Variants in CCDC85C observed in about 807,000 individuals in gnomAD.
CCDC85C encodes coiled-coil domain-containing protein 85C.
CCDC85C carries 18 observed loss-of-function variants against 38.3 expected under a neutral mutation model. The observed-to-expected ratio is 0.47, with a 90% confidence interval of 0.33 to 0.70. CCDC85C has a LOEUF of 0.70. Ranked by LOEUF, CCDC85C falls within the 30% of genes least tolerant of loss-of-function variation. The probability of loss-of-function intolerance (pLI) is 0.03; values close to 1 mark genes in which losing one functional copy is unlikely to be tolerated. For synonymous variants in CCDC85C, 264 were observed against 293.8 expected, an observed-to-expected ratio of 0.90 and a Z score of 1.04; for missense variants, 566 against 621.2, an observed-to-expected ratio of 0.91 and a Z score of 0.94.
Position 99,510,604 on chromosome 14 carries a change from C to T in CCDC85C, c.*4642G>A. On this transcript the variant is annotated 3_prime_UTR_variant, in exon 6 of 6. Transcript: ENST00000380243. ...AACCCCAACTTCCCACCCCCACCCC[C>T]ACGCCTCCCGCCTACCCACGCAGTC... is the stretch of plus-strand genomic sequence containing the variant. 1 of 1,061,414 alleles carries T rather than the reference C, an allele frequency of 9.4e-7. No homozygotes were observed. Among genetic ancestry groups the T allele is most frequent in the Non-Finnish European group, 1.3e-6 (1 of 784,086 alleles). The allele number at this position is 1,061,414 out of a possible 1,614,324, so 65.7% of individuals were successfully genotyped here.
intron 2 of CCDC85C, among the ~76,000 whole-genome samples, chr14:99,534,056 A>C (rs1324011397): frequency 6.6e-6 from 1 of 152,168 alleles, no homozygotes; most frequent in Non-Finnish European, 1.5e-5. Context: ...CACATTTCTC[A>C]TAGAAATAAC....
At chr14:99,547,954 C>T (rs1312752048) in intron 1 of CCDC85C, among the ~76,000 whole-genome samples, 1 of 151,858 alleles carries the variant, frequency 6.6e-6, no homozygotes, top group Non-Finnish European at 1.5e-5. Context: ...ATTCTATCTC[C>T]ATAAAACTAT....
chr14:99,549,798 C>T (rs1221231983), intron 1 of CCDC85C, among the ~76,000 whole-genome samples: 1 of 152,234 alleles, frequency 6.6e-6, no homozygotes, highest in Non-Finnish European at 1.5e-5. Flanking sequence ...CTTAATAGTG[C>T]CATCCTCCCA....
chr14:99,541,381 T>A (rs1372956744), intron 1 of CCDC85C, among the ~76,000 whole-genome samples: 1 of 152,192 alleles, frequency 6.6e-6, no homozygotes. Flanking sequence ...GGGCACACGC[T>A]CCTTGCATCT....
Position 99,545,025 on chromosome 14 carries a change from T to A in CCDC85C, c.794-8937A>T, listed in dbSNP as rs1225043275. On this transcript the variant is annotated intron_variant, in intron 1 of 5. Transcript: ENST00000380243. This position sits in a 1 kb window ranked among gnomAD's most constrained non-coding sequence, Gnocchi z 4.7. ...AACACGCCGAGGACACCCTTCCCAG[T>A]GCCTCCAGGGAAAAAAAGTAGCTAG... Among the ~76,000 whole-genome samples the A allele has an allele frequency of 6.6e-6, 1 of 152,104 alleles. No individual in the cohort carries two copies. The highest frequency in any genetic ancestry group is 2.4e-5 in the African/African-American group (1 of 41,408).
intron 1 of CCDC85C, among the ~76,000 whole-genome samples, chr14:99,554,296 A>G (rs1396325701): frequency 1.3e-5 from 2 of 149,158 alleles, no homozygotes; most frequent in African/African-American, 2.5e-5. Context: ...ACGGCACTGC[A>G]CTTCTAACCA....
rs1897110132 is a variant in CCDC85C at position 99,510,742 on chromosome 14, C to T, written c.*4504G>A. 9 of 1,453,114 alleles carry T rather than the reference C, an allele frequency of 6.2e-6. No homozygotes were observed. Among genetic ancestry groups the T allele is most frequent in the Non-Finnish European group, 8.2e-6 (9 of 1,103,618 alleles). The allele number at this position is 1,453,114 out of a possible 1,614,324, so 90.0% of individuals were successfully genotyped here. A position where few individuals can be genotyped will look rare whatever the true frequency, so the allele number is the denominator to read the frequency against. On this transcript the variant is annotated 3_prime_UTR_variant, in exon 6 of 6. Transcript: ENST00000380243. ...CCGCCCATTCCCCCACCCGGCATGC[C>T]TCCAGTTGGGGGGCTGGGGCGGGCA...
At position 99,554,216 on chromosome 14, in the gene CCDC85C, G is replaced by A. The variant is rs535707570; in HGVS notation, c.794-18128C>T. On this transcript the variant is annotated intron_variant, in intron 1 of 5. Transcript: ENST00000380243. ...GAGGACTGTGGCCATCCCAGCACAC[G>A]AGCTCCCCCATGGCACTGTGCTTCT... 2.6e-5 allele frequency among the ~76,000 whole-genome samples: 4 copies of A among 151,980 alleles called. No homozygotes were observed. The South Asian group carries it at 8.3e-4, about 32-fold the overall frequency.
Position 99,510,097 on chromosome 14 carries a change from G to C in CCDC85C, c.*5149C>G. On this transcript the variant is annotated 3_prime_UTR_variant, in exon 6 of 6. Coordinates refer to ENST00000380243, the MANE Select transcript of CCDC85C (RefSeq NM_001144995.2). Reference sequence around the variant, plus strand: ...AAAGATGGCCCTGAAGGGCCAGGAGGCACTGAAAAAGCAACCATTGCTGGC... The same window carrying C: ...AAAGATGGCCCTGAAGGGCCAGGAGCCACTGAAAAAGCAACCATTGCTGGC... 1 of 1,510,896 alleles carries C rather than the reference G, an allele frequency of 6.6e-7. No individual in the cohort carries two copies. Among genetic ancestry groups the C allele is most frequent in the African/African-American group, 1.4e-5 (1 of 73,060 alleles). 93.6% of individuals were successfully genotyped at this position (1,510,896 alleles called of 1,614,324 possible).
intron 3 of CCDC85C, among the ~76,000 whole-genome samples, chr14:99,519,389 T>C (rs1897273598): frequency 6.6e-6 from 1 of 151,432 alleles, no homozygotes; most frequent in East Asian, 2.0e-4. Flanking sequence ...AGTGATGGGA[T>C]TATAGGCGTG....
chr14:99,593,608 G>C (rs759553819), intron 1 of CCDC85C, among the ~76,000 whole-genome samples: 1 of 152,252 alleles, frequency 6.6e-6, no homozygotes, highest in Non-Finnish European at 1.5e-5. Context: ...ACAGGTCAGC[G>C]AGGGGGCAAC....
At position 99,510,259 on chromosome 14, in the gene CCDC85C, C is replaced by CCGCCCCCTT; in HGVS notation, c.*4986_*4987insAAGGGGGCG. ...GTCCAGATTCCCCCTCCGGCCCACCCGGCCCCTGTGCACCAGCCACCGCCG... is the reference window on the plus strand; with the variant it reads ...GTCCAGATTCCCCCTCCGGCCCACCCCGCCCCCTTGGCCCCTGTGCACCAGCCACCGCCG... On this transcript the variant is annotated 3_prime_UTR_variant, in exon 6 of 6. Coordinates refer to ENST00000380243, the MANE Select transcript of CCDC85C (RefSeq NM_001144995.2). 1.3e-6 allele frequency: 2 copies of CCGCCCCCTT among 1,555,736 alleles called. No individual in the cohort carries two copies. Among genetic ancestry groups the CCGCCCCCTT allele is most frequent in the South Asian group, 2.3e-5 (2 of 85,698 alleles).
rs1897566282 is a variant in CCDC85C, at chr14:99,535,014, C to G, written c.867+1001G>C. The G allele has an allele frequency of 2.6e-6, 1 of 387,784 alleles. No individual in the cohort carries two copies. The highest frequency in any genetic ancestry group is 4.8e-6 in the Non-Finnish European group (1 of 210,496). The allele number at this position is 387,784 out of a possible 1,614,324, so 24.0% of individuals were successfully genotyped here. Reference sequence around the variant, plus strand: ...CCCTGGGAACCTTCCCCACAGCCCACAAAGGGGTGAGACGTGAGGATGACC... The same window carrying G: ...CCCTGGGAACCTTCCCCACAGCCCAGAAAGGGGTGAGACGTGAGGATGACC... On this transcript the variant is annotated intron_variant, in intron 2 of 5. Transcript: ENST00000380243. This position sits in a 1 kb window ranked among gnomAD's most constrained non-coding sequence, Gnocchi z 5.5.
At position 99,525,207 on chromosome 14, in the gene CCDC85C, C is replaced by T. The variant is rs139898771; in HGVS notation, c.868-2967G>A. ...TGCCCAACTCAGGGCCCAGCGAGGA[C>T]TCGCTGGGTGAACTCCAGTTGTTCC... is the stretch of plus-strand genomic sequence containing the variant. On this transcript the variant is annotated intron_variant, in intron 2 of 5. Coordinates refer to ENST00000380243, the MANE Select transcript of CCDC85C (RefSeq NM_001144995.2). Among the ~76,000 whole-genome samples the T allele has an allele frequency of 1.1e-3, 162 of 152,336 alleles. 3 individuals are homozygous for T. In the East Asian group the frequency reaches 0.027, roughly 26 times the overall value.
chr14:99,519,679 A>T (rs1480300047), intron 3 of CCDC85C, among the ~76,000 whole-genome samples: 2 of 152,238 alleles, frequency 1.3e-5, no homozygotes, highest in East Asian at 3.8e-4. Context: ...CAAATGAAGG[A>T]ATCATGTGTT....
At chr14:99,581,611 T>C (rs751664763) in intron 1 of CCDC85C, among the ~76,000 whole-genome samples, 116 of 152,258 alleles carry the variant, frequency 7.6e-4, no homozygotes, top group Non-Finnish European at 1.3e-3. Context: ...GGCTCCCCAT[T>C]GTCTGCAATT....
At chr14:99,568,164 C>T (rs1898255633) in intron 1 of CCDC85C, among the ~76,000 whole-genome samples, 1 of 152,060 alleles carries the variant, frequency 6.6e-6, no homozygotes, top group African/African-American at 2.4e-5. Flanking sequence ...AGCCCCAGGC[C>T]CCGTATTGGG....
chr14:99,603,398 C>T lies in CCDC85C; in HGVS notation c.562G>A (p.Gly188Arg). The change falls in exon 1 of 6, where the codon GGG becomes AGG. Residue 188 changes from glycine (G) to arginine (R), a missense_variant. Gly to Arg is a moderately radical substitution (Grantham distance 125). Transcript: ENST00000380243. The surrounding 1 kb of genome is among the most constrained non-coding windows in gnomAD (Gnocchi z 7.5). ...SSIDSQASLSGPLSGGAPGAG... is the reference protein window; with the variant it reads ...SSIDSQASLSRPLSGGAPGAG... ...CCGGGCGCGCCACCCGACAGCGGCC[C>T]GCTCAGGCTGGCCTGGCTGTCGATG... 1 of 1,251,652 alleles carries T rather than the reference C, an allele frequency of 8.0e-7. No individual in the cohort carries two copies. The allele number at this position is 1,251,652 out of a possible 1,614,324, so 77.5% of individuals were successfully genotyped here.
rs1170822514 is a variant in CCDC85C, at chr14:99,603,955, G to T, written c.5C>A (p.Ala2Asp). The change falls in exon 1 of 6, where the codon GCT becomes GAT. Residue 2 changes from alanine (A) to aspartate (D), a missense_variant. Coordinates refer to ENST00000380243, the MANE Select transcript of CCDC85C (RefSeq NM_001144995.2). The surrounding 1 kb of genome is among the most constrained non-coding windows in gnomAD (Gnocchi z 7.5). ...CGCCGCCGCCGTCGCCGCGGGCTTA[G>T]CCATGGCGGGGCCGTCACCGCGGCA... M[A>D]KPAATAAAAS... 1 of 1,355,950 alleles carries T rather than the reference G, an allele frequency of 7.4e-7. No individual in the cohort carries two copies. Among genetic ancestry groups the T allele is most frequent in the Non-Finnish European group, 9.4e-7 (1 of 1,060,186 alleles). The allele number at this position is 1,355,950 out of a possible 1,614,324, so 84.0% of individuals were successfully genotyped here.
Sources: allele counts gnomAD v4.1 joint callset (sites outside exome capture counted in the v4.1 genomes callset), GRCh38; gene constraint gnomAD v4.1.1; non-coding constraint Gnocchi (gnomAD v3.1); transcripts MANE v1.5; gene names NCBI Gene and HGNC (gene_info 2026-07-23, HGNC 2026-07-21).